The following CACNA1B variants were observed in gnomAD, a reference collection of about 807,000 sequenced individuals.
CACNA1B encodes the protein calcium voltage-gated channel subunit alpha1 B.
Under a neutral mutation model 247.2 loss-of-function variants are expected in CACNA1B, and 70 were observed. The observed-to-expected ratio is 0.28, with a 90% CI of 0.23 to 0.35. CACNA1B has a LOEUF of 0.35. Ranked by LOEUF, CACNA1B falls within the 10% of genes least tolerant of loss-of-function variation. CACNA1B has a pLI of 1.00. For synonymous variants in CACNA1B, 1,231 were observed against 1,294.4 expected (o/e 0.95, Z 1.05); for missense variants, 2,367 against 3,197.4 (o/e 0.74, Z 6.26).
intron 20 of CACNA1B, among the ~76,000 whole-genome samples, chr9:138,042,719 C>T (rs1589088573): frequency 6.6e-6 from 1 of 152,160 alleles, no homozygotes; most frequent in East Asian, 1.9e-4. Context: ...AGCCAGCATC[C>T]TCGGTGGTAT....
chr9:138,078,041 G>T (rs950099566), intron 35 of CACNA1B, 73 bp from the exon 36 acceptor site: 3 of 1,429,648 alleles, frequency 2.1e-6, no homozygotes, highest in East Asian at 4.7e-5. Flanking sequence ...GAGTGGGCAC[G>T]CTTGGTAGCC....
At chr9:137,890,577 C>T (rs1231007704) in intron 3 of CACNA1B, 7 of 150,530 alleles carry the variant, frequency 4.7e-5, no homozygotes, top group African/African-American at 1.7e-4. Flanking sequence ...CCACAGGATC[C>T]ACTCTGTGCT....
chr9:138,007,493 T>TGAG lies in CACNA1B; in HGVS notation c.2092+611_2092+613dup, dbSNP rs1440360649. 3.3e-5 allele frequency among the ~76,000 whole-genome samples: 5 copies of TGAG among 152,048 alleles called. No individual in the cohort carries two copies. Among genetic ancestry groups the TGAG allele is most frequent in the African/African-American group, 9.7e-5 (4 of 41,446 alleles). On this transcript the variant is annotated intron_variant, in intron 16 of 46. Coordinates refer to ENST00000371372, the MANE Select transcript of CACNA1B (RefSeq NM_000718.4). This position sits in a 1 kb window ranked among gnomAD's most constrained non-coding sequence, Gnocchi z 4.1. Reference sequence around the variant, plus strand: ...ACAGCATTCGTGGTATAGGCAAGGGTGAGGGCTATGACAGGCAGTGTGAGT... The same window carrying TGAG: ...ACAGCATTCGTGGTATAGGCAAGGGTGAGGAGGGCTATGACAGGCAGTGTGAGT...
At chr9:137,928,782 C>T (rs147572759) in intron 6 of CACNA1B, among the ~76,000 whole-genome samples, 1 of 152,294 alleles carries the variant, frequency 6.6e-6, no homozygotes. Flanking sequence ...AGCCATCAGT[C>T]CCTATTTCCT....
rs573409883 is a variant in CACNA1B, at chr9:137,986,539, G to T, written c.1896G>T (p.Gly632=). Residue 632 remains glycine (G), a synonymous_variant, in exon 14 of 47, where the codon GGG becomes GGT. Transcript: ENST00000371372. This position sits in a 1 kb window ranked among gnomAD's most constrained non-coding sequence, Gnocchi z 6.0. ...VFALLGMQLF[G]GQFNFQDETP... The stretch of plus-strand genomic sequence containing the variant: ...CCCTGCTGGGGATGCAGCTGTTTGG[G>T]GGACAGTAAGTGGGCCCGGGAGGGA... 4 of 1,613,808 alleles carry T rather than the reference G, an allele frequency of 2.5e-6. No individual in the cohort carries two copies. The highest frequency in any genetic ancestry group is 4.5e-5 in the East Asian group (2 of 44,860).
rs979863170 is a variant in CACNA1B, at chr9:138,011,775, G to T, written c.2161-1354G>T. Among the ~76,000 whole-genome samples, 20 of 152,164 alleles carry T rather than the reference G, an allele frequency of 1.3e-4. No individual in the cohort carries two copies. The highest frequency in any genetic ancestry group is 4.6e-4 in the African/African-American group (19 of 41,424). On this transcript the variant is annotated intron_variant, in intron 17 of 46. Coordinates refer to ENST00000371372, the MANE Select transcript of CACNA1B (RefSeq NM_000718.4). This position sits in a 1 kb window ranked among gnomAD's most constrained non-coding sequence, Gnocchi z 4.2. The stretch of plus-strand genomic sequence containing the variant: ...GTCTCTCCTCTGTGGAGGGAAATTC[G>T]CAGGCAGCTAACAAGGGACTTAGTT...
At chr9:138,026,798 C>A (rs1958925649) in intron 20 of CACNA1B, among the ~76,000 whole-genome samples, 1 of 152,122 alleles carries the variant, frequency 6.6e-6, no homozygotes, top group South Asian at 2.1e-4. Flanking sequence ...TAATAGCATG[C>A]TTATTGGATT....
Position 138,102,625 on chromosome 9 carries a change from C to A in CACNA1B, c.5223-86C>A. The stretch of plus-strand genomic sequence containing the variant: ...TGTCTGCTTCCTCCCTGCCCCTACC[C>A]CGCTCCCCTCCCCGCTCCCCTCCTG... On this transcript the variant is annotated intron_variant, in intron 37 of 46. Coordinates refer to ENST00000371372, the MANE Select transcript of CACNA1B (RefSeq NM_000718.4). This position sits in a 1 kb window ranked among gnomAD's most constrained non-coding sequence, Gnocchi z 5.4. 1 of 630,578 alleles carries A rather than the reference C, an allele frequency of 1.6e-6. No homozygotes were observed. Among genetic ancestry groups the A allele is most frequent in the Non-Finnish European group, 2.8e-6 (1 of 355,398 alleles). The allele number at this position is 630,578 out of a possible 1,614,324, so 39.1% of individuals were successfully genotyped here.
chr9:137,984,377 T>C, intron 13 of CACNA1B, 127 bp downstream of exon 13: 1 of 709,306 alleles, frequency 1.4e-6, no homozygotes, highest in Non-Finnish European at 2.4e-6. Flanking sequence ...TATAGTTGAT[T>C]TAAATACAAA....
In CACNA1B at chr9:138,078,299, G is replaced by A. The variant is rs559821175; in HGVS notation, c.5094+41G>A. 35 of 1,602,242 alleles carry A rather than the reference G, an allele frequency of 2.2e-5. No homozygotes were observed. The East Asian group carries it at 4.7e-4, about 21-fold the overall frequency. ...TGTGCCCCTCCCAGTGCCACGTCTT[G>A]TCTCGGTACAGCTCAGGCTTCTCCC... On this transcript the variant is annotated intron_variant, in intron 36 of 46. Coordinates refer to ENST00000371372, the MANE Select transcript of CACNA1B (RefSeq NM_000718.4).
chr9:137,960,288 A>G (rs1589034257), intron 10 of CACNA1B, among the ~76,000 whole-genome samples: 1 of 113,856 alleles, frequency 8.8e-6, no homozygotes, highest in East Asian at 2.7e-4. Context: ...GTCCGGGGAG[A>G]GGGGAGGTCG....
rs189734477 is a variant in CACNA1B, at chr9:137,904,654, C to T, written c.531-8526C>T. ...AAGGGCTACGATTACAGGTGTGAGC[C>T]ACTGCACTGCCTCCGCCTCCCCCCT... On this transcript the variant is annotated intron_variant, in intron 3 of 46. Transcript: ENST00000371372. Among the ~76,000 whole-genome samples, 193 of 152,168 alleles carry T rather than the reference C, an allele frequency of 1.3e-3. 1 individual carries two copies. The highest frequency in any genetic ancestry group is 4.6e-3 in the African/African-American group (190 of 41,530).
intron 20 of CACNA1B, among the ~76,000 whole-genome samples, chr9:138,036,749 C>T (rs1388223110): frequency 6.6e-6 from 1 of 152,144 alleles, no homozygotes; most frequent in Non-Finnish European, 1.5e-5. Flanking sequence ...GCGGTGAACT[C>T]CTGTGCTCCG....
At position 137,986,072 on chromosome 9, in the gene CACNA1B, TGAG is replaced by T. The variant is rs1564222324; in HGVS notation, c.1770-337_1770-335del. Among the ~76,000 whole-genome samples, 1 of 152,048 alleles carries T rather than the reference TGAG, an allele frequency of 6.6e-6. No individual in the cohort carries two copies. Among genetic ancestry groups the T allele is most frequent in the Non-Finnish European group, 1.5e-5 (1 of 67,994 alleles). On this transcript the variant is annotated intron_variant, in intron 13 of 46. Transcript: ENST00000371372. The surrounding 1 kb of genome is among the most constrained non-coding windows in gnomAD (Gnocchi z 6.0). ...AGACACTTGGTGGCTGACTGGGTGTTGAGGAGTGAGGGGCAGGGAGGGGCCGAG... is the reference window on the plus strand; with the variant it reads ...AGACACTTGGTGGCTGACTGGGTGTTGAGTGAGGGGCAGGGAGGGGCCGAG...
At chr9:137,902,668 T>G (rs1957252237) in intron 3 of CACNA1B, among the ~76,000 whole-genome samples, 1 of 152,246 alleles carries the variant, frequency 6.6e-6, no homozygotes, top group Non-Finnish European at 1.5e-5. Flanking sequence ...TGATATCCAC[T>G]GTTAATATTT....
intron 5 of CACNA1B, among the ~76,000 whole-genome samples, chr9:137,915,198 A>G (rs908990190): frequency 4.6e-5 from 7 of 152,206 alleles, no homozygotes; most frequent in East Asian, 1.9e-4. Flanking sequence ...GCAAAGGCCT[A>G]TGGTGCGGAG....
At chr9:138,029,670 G>C (rs1328336547) in intron 20 of CACNA1B, among the ~76,000 whole-genome samples, 1 of 145,428 alleles carries the variant, frequency 6.9e-6, no homozygotes, top group African/African-American at 2.6e-5. Context: ...GAGTGCAGTG[G>C]TGCCATCTCG....
Position 138,100,164 on chromosome 9 carries a change from G to C in CACNA1B, c.5223-2547G>C, listed in dbSNP as rs897959849. Among the ~76,000 whole-genome samples, 4 of 152,382 alleles carry C rather than the reference G, an allele frequency of 2.6e-5. No homozygotes were observed. Among genetic ancestry groups the C allele is most frequent in the Admixed American group, 6.5e-5 (1 of 15,300 alleles). On this transcript the variant is annotated intron_variant, in intron 37 of 46. Transcript: ENST00000371372. The surrounding 1 kb of genome is among the most constrained non-coding windows in gnomAD (Gnocchi z 4.6). ...GAGCACTAGAGAAATAGGATGGATT[G>C]AGCTGGGGATGGGAGGTGGGGCAGA...
At chr9:138,015,152 T>C (rs1958774980) in intron 18 of CACNA1B, among the ~76,000 whole-genome samples, 1 of 152,070 alleles carries the variant, frequency 6.6e-6, no homozygotes, top group Non-Finnish European at 1.5e-5. Flanking sequence ...GCTGCAGCCC[T>C]CACACGTGGC....
Sources: gnomAD v4.1 joint callset for allele counts (sites outside exome capture counted in the v4.1 genomes callset) on GRCh38, gnomAD v4.1.1 for gene constraint, Gnocchi (gnomAD v3.1) non-coding constraint, MANE v1.5 for transcripts, NCBI Gene and HGNC (gene_info 2026-07-23, HGNC 2026-07-21) for gene names.